Variants in LAMA2 observed in about 807,000 individuals in gnomAD.
The protein encoded by LAMA2 is laminin subunit alpha 2.
In LAMA2, 269 loss-of-function variants were observed where a neutral mutation model predicts 364.8. That is an observed-to-expected ratio of 0.74 (90% CI 0.67 to 0.82). LAMA2 has a LOEUF of 0.82. Ranked by LOEUF, LAMA2 falls within the 40% of genes least tolerant of loss-of-function variation. The pLI, the probability that LAMA2 is intolerant of heterozygous loss-of-function variation, is 0.00. For synonymous variants in LAMA2, 1,379 were observed against 1,370.6 expected, an observed-to-expected ratio of 1.01 and a Z score of -0.14; for missense variants, 3,807 against 3,873.2, an observed-to-expected ratio of 0.98 and a Z score of 0.45.
rs1387684227 is a variant in LAMA2 at position 129,158,070 on chromosome 6, C to T, written c.1206+3387C>T. Reference sequence around the variant, plus strand: ...AGCAATTGCGGGCTTTCCTTGGGTGCCATACGTTTCTGTGTGCAGGTGGCA... The same window carrying T: ...AGCAATTGCGGGCTTTCCTTGGGTGTCATACGTTTCTGTGTGCAGGTGGCA... On this transcript the variant is annotated intron_variant, in intron 8 of 64. Coordinates refer to ENST00000421865, the MANE Select transcript of LAMA2 (RefSeq NM_000426.4). 13 of 1,612,072 alleles carry T rather than the reference C, an allele frequency of 8.1e-6. No individual in the cohort carries two copies. In the South Asian group the frequency reaches 9.9e-5, roughly 12 times the overall value.
chr6:129,075,926 A>T (rs1432451754), intron 3 of LAMA2, among the ~76,000 whole-genome samples: 1 of 151,836 alleles, frequency 6.6e-6, no homozygotes, highest in Admixed American at 6.6e-5. Flanking sequence ...TGAGACCCCT[A>T]TCTCTACAAA....
At chr6:129,398,545 G>C (rs1583657703) in intron 37 of LAMA2, among the ~76,000 whole-genome samples, 3 of 125,286 alleles carry the variant, frequency 2.4e-5, no homozygotes, top group South Asian at 5.0e-4. Flanking sequence ...GTGCAATCTT[G>C]GCTCACTTTA....
chr6:129,432,101 C>T (rs753981845), intron 41 of LAMA2, among the ~76,000 whole-genome samples: 3 of 152,118 alleles, frequency 2.0e-5, no homozygotes, highest in Non-Finnish European at 4.4e-5. Context: ...AAAAGACAAG[C>T]AAAATCTGCT....
chr6:128,958,546 T>C (rs1213960955), intron 1 of LAMA2, among the ~76,000 whole-genome samples: 4 of 152,128 alleles, frequency 2.6e-5, no homozygotes, highest in African/African-American at 9.7e-5. Flanking sequence ...TTTTCTGATA[T>C]TTATATTTAT....
chr6:129,147,008 A>C lies in LAMA2; in HGVS notation c.869A>C (p.Tyr290Ser). Residue 290 changes from tyrosine to serine, a missense_variant, in exon 6 of 65, where the codon TAT (tyrosine) becomes TCT (serine). Physicochemically the swap from Tyr to Ser is moderately radical, Grantham distance 144. Around this residue, in one of 3 missense-constraint regions of LAMA2, gnomAD observed 394 missense variants for 403.5 expected, o/e 0.98. Transcript: ENST00000421865. ...DISVGGMCIC[Y>S]GHARACPLDP... ...TCAGTTGGAGGGATGTGCATCTGCT[A>C]TGGTCATGCCAGGGCTTGTCCACTT... The C allele has an allele frequency of 1.9e-6, 3 of 1,612,210 alleles. No individual in the cohort carries two copies. The highest frequency in any genetic ancestry group is 1.3e-5 in the African/African-American group (1 of 74,978).
rs568887303 is a variant in LAMA2 at position 129,254,127 on chromosome 6, T to A, written c.2096+1832T>A. The stretch of plus-strand genomic sequence containing the variant: ...TGTCTTGCACAGTAGGCTTTCGACT[T>A]GGTATACTGTTTGTGTACAAGCACA... On this transcript the variant is annotated intron_variant, in intron 14 of 64. Transcript: ENST00000421865. Among the ~76,000 whole-genome samples the A allele has an allele frequency of 1.2e-4, 19 of 152,344 alleles. 1 individual carries two copies. The South Asian group carries it at 3.7e-3, about 30-fold the overall frequency.
intron 1 of LAMA2, among the ~76,000 whole-genome samples, chr6:128,958,638 T>C (rs1781293025): frequency 6.6e-6 from 1 of 152,210 alleles, no homozygotes; most frequent in South Asian, 2.1e-4. Flanking sequence ...GCTCTGGTTT[T>C]AATCATCACC....
chr6:129,029,000 C>T (rs1786031794), intron 1 of LAMA2, among the ~76,000 whole-genome samples: 1 of 151,696 alleles, frequency 6.6e-6, no homozygotes, highest in Admixed American at 6.6e-5. Flanking sequence ...AAAATAGTCT[C>T]AGGATATGTT....
chr6:129,290,751 T>C (rs1022773973), intron 19 of LAMA2, among the ~76,000 whole-genome samples: 7 of 152,212 alleles, frequency 4.6e-5, no homozygotes. Context: ...AAAAGGTCAC[T>C]TAAGCTTTAG....
intron 1 of LAMA2, among the ~76,000 whole-genome samples, chr6:128,962,141 T>C (rs1781559789): frequency 2.8e-5 from 1 of 35,250 alleles, no homozygotes; most frequent in South Asian, 8.3e-4. Context: ...CTCTGGACCA[T>C]ATATATATAT....
In LAMA2 at chr6:129,464,371, C is replaced by A. The variant is rs762806915; in HGVS notation, c.7074C>A (p.Tyr2358Ter). 27 of 1,611,458 alleles carry A rather than the reference C, an allele frequency of 1.7e-5. No individual in the cohort carries two copies. Among genetic ancestry groups the A allele is most frequent in the Non-Finnish European group, 5.1e-6 (6 of 1,178,096 alleles). ...TGGTCAGCCGTCCCATTCGCTGGTA[C>A]CCCAACATCTCCACTGTCATGTTCA... ...YALVSRPIRW[Y>*]PNISTVMFKF... Residue 2358 changes from tyrosine to a stop codon, truncating the protein, a stop_gained, in exon 50 of 65, where the codon TAC becomes TAA. Coordinates refer to ENST00000421865, the MANE Select transcript of LAMA2 (RefSeq NM_000426.4). LOFTEE classifies it high-confidence loss of function.
chr6:129,440,883 A>T lies in LAMA2; in HGVS notation c.6153A>T (p.Val2051=), dbSNP rs1449121398. ...ARQANDTAKD[V]LAQITELHQN... The stretch of plus-strand genomic sequence containing the variant: ...AAGCCAACGACACAGCTAAAGATGT[A>T]CTGGCACAGATTACAGAGCTCCACC... Residue 2051 remains valine (V), a synonymous_variant, in exon 43 of 65, where the codon GTA becomes GTT. Coordinates refer to ENST00000421865, the MANE Select transcript of LAMA2 (RefSeq NM_000426.4). 6.2e-7 allele frequency: 1 copy of T among 1,613,946 alleles called. No individual in the cohort carries two copies. Among genetic ancestry groups the T allele is most frequent in the Non-Finnish European group, 8.5e-7 (1 of 1,179,858 alleles).
At chr6:129,392,084 C>T (rs888773974) in intron 36 of LAMA2, among the ~76,000 whole-genome samples, 2 of 152,092 alleles carry the variant, frequency 1.3e-5, no homozygotes, top group South Asian at 4.2e-4. Context: ...TATTGGCCAA[C>T]CTATACATTT....
Position 129,063,073 on chromosome 6 carries a change from T to G in LAMA2, c.396+3177T>G, listed in dbSNP as rs1789043078. Among the ~76,000 whole-genome samples the G allele has an allele frequency of 2.6e-5, 4 of 152,258 alleles. No individual in the cohort carries two copies. The South Asian group carries it at 8.3e-4, about 32-fold the overall frequency. On this transcript the variant is annotated intron_variant, in intron 3 of 64. Coordinates refer to ENST00000421865, the MANE Select transcript of LAMA2 (RefSeq NM_000426.4). ...TTTCTCATTCTATTTACTCATAGCA[T>G]ATTTTGAGCAAGTGATTTAATCATG...
intron 12 of LAMA2, among the ~76,000 whole-genome samples, chr6:129,244,527 T>G (rs1234202590): frequency 6.6e-6 from 1 of 152,120 alleles, no homozygotes; most frequent in Non-Finnish European, 1.5e-5. Context: ...GTATCCCTCC[T>G]GAAATATTTG....
Position 129,328,323 on chromosome 6 carries a change from C to T in LAMA2, c.4222C>T (p.Arg1408Cys), listed in dbSNP as rs780127363. The T allele has an allele frequency of 2.6e-5, 42 of 1,614,000 alleles. No individual in the cohort carries two copies. The highest frequency in any genetic ancestry group is 6.7e-5 in the African/African-American group (5 of 74,888). The part of the protein sequence containing the change: ...FYRLRSQPGG[R>C]TPGPTLGTCV... ...TCGACTGCGTTCTCAACCAGGTGGC[C>T]GCACCCCTGGACCAACCCTGGGCAC... Residue 1408 changes from arginine (R) to cysteine (C), a missense_variant, in exon 29 of 65, where the codon CGC becomes TGC. Arg to Cys is a radical substitution (Grantham distance 180). Coordinates refer to ENST00000421865, the MANE Select transcript of LAMA2 (RefSeq NM_000426.4).
At chr6:129,119,300 T>C (rs1776663235) in intron 4 of LAMA2, among the ~76,000 whole-genome samples, 5 of 152,158 alleles carry the variant, frequency 3.3e-5, no homozygotes, top group Admixed American at 3.3e-4. Context: ...TAAATTTACT[T>C]TGTTTTTATT....
intron 12 of LAMA2, among the ~76,000 whole-genome samples, chr6:129,204,660 A>C (rs934704868): frequency 6.6e-6 from 1 of 152,326 alleles, no homozygotes; most frequent in East Asian, 1.9e-4. Flanking sequence ...ACTGTGAAAC[A>C]ATACATTTCT....
chr6:129,505,531 CAG>C (rs1190344743), intron 61 of LAMA2, among the ~76,000 whole-genome samples, 176 bp downstream of exon 61: 5 of 152,056 alleles, frequency 3.3e-5, no homozygotes, highest in South Asian at 2.1e-4. Flanking sequence ...TGTTTTGAGA[CAG>C]AGTCTCGCTC....
Sources: allele counts gnomAD v4.1 joint callset (sites outside exome capture counted in the v4.1 genomes callset), GRCh38; gene constraint gnomAD v4.1.1; regional missense constraint gnomAD v4.1.1; transcripts MANE v1.5; gene names NCBI Gene and HGNC (gene_info 2026-07-23, HGNC 2026-07-21).